Variants in BCLAF3 observed in about 807,000 individuals in gnomAD.
The protein encoded by BCLAF3 is BCLAF1 and THRAP3 family member 3.
In BCLAF3, 24 loss-of-function variants were observed where a neutral mutation model predicts 51.2. The observed-to-expected ratio is 0.47, with a 90% CI of 0.34 to 0.66. The LOEUF is 0.66. BCLAF3 is among the 30% of genes least tolerant of loss of function. The pLI is 0.01. For missense variants in BCLAF3, 465 were observed against 525.1 expected (o/e 0.89, Z 1.12); for synonymous variants, 152 against 176.6 (o/e 0.86, Z 1.10).
intron 1 of BCLAF3, 22 bp from the exon 2 acceptor site, chrX:19,970,320 G>A: frequency 5.0e-6 from 6 of 1,196,094 alleles, no homozygotes; most frequent in Non-Finnish European, 6.8e-6. Context: ...CACAGGATTA[G>A]CAGGTTTGTA....
intron 1 of BCLAF3, among the ~76,000 whole-genome samples, chrX:19,983,700 G>A (rs1301948142): frequency 1.9e-5 from 2 of 107,461 alleles, no homozygotes; most frequent in Non-Finnish European, 3.9e-5. Flanking sequence ...GGGAAAGAGA[G>A]TGAGACACAG....
intron 10 of BCLAF3, among the ~76,000 whole-genome samples, chrX:19,933,911 C>T (rs2070662352): frequency 9.0e-6 from 1 of 111,097 alleles, no homozygotes; most frequent in African/African-American, 3.3e-5. Flanking sequence ...GCTGGGACTA[C>T]AGTACAGGTG....
chrX:19,987,944 A>G (rs747250738), intron 1 of BCLAF3, among the ~76,000 whole-genome samples: 15 of 112,242 alleles, frequency 1.3e-4, no homozygotes, highest in Non-Finnish European at 2.3e-4. Flanking sequence ...TTCTTGGACT[A>G]TAATACTACC....
At chrX:19,953,197 T>C (rs2071550767) in intron 6 of BCLAF3, 146 bp from the exon 7 acceptor site, 1 of 442,724 alleles carries the variant, frequency 2.3e-6, no homozygotes, top group African/African-American at 2.4e-5. Context: ...TTTTCACCTA[T>C]ATGGCAGTCT....
At chrX:19,969,489 G>A (rs768716527) in intron 2 of BCLAF3, among the ~76,000 whole-genome samples, 2 of 111,997 alleles carry the variant, frequency 1.8e-5, no homozygotes, top group African/African-American at 6.5e-5. Flanking sequence ...ATCCTGAAAC[G>A]CCCAGATAAA....
chrX:19,970,359 T>C (rs1037285075), intron 1 of BCLAF3, 61 bp from the exon 2 acceptor site: 12 of 1,021,593 alleles, frequency 1.2e-5, no homozygotes, highest in African/African-American at 5.6e-5. Context: ...ATCTAAAACA[T>C]AGCGAATGCT....
At chrX:19,949,164 CA>C (rs1439667567) in intron 8 of BCLAF3, among the ~76,000 whole-genome samples, 1 of 111,782 alleles carries the variant, frequency 8.9e-6, no homozygotes, top group Non-Finnish European at 1.9e-5. Context: ...ACACTGTCCT[CA>C]AAGCTAGCAT....
At chrX:19,971,591 CTG>C (rs1343999654) in intron 1 of BCLAF3, among the ~76,000 whole-genome samples, 1 of 112,240 alleles carries the variant, frequency 8.9e-6, no homozygotes, top group Non-Finnish European at 1.9e-5. Flanking sequence ...GCTTCGGAAA[CTG>C]AATTTTAAAA....
chrX:19,954,178 G>C, intron 5 of BCLAF3: 1 of 754,126 alleles, frequency 1.3e-6, no homozygotes, highest in Non-Finnish European at 1.6e-6. Context: ...TCAAAGCAAG[G>C]ACCTTTCTTC....
chrX:19,918,545 T>C (rs1389363022), intron 11 of BCLAF3, among the ~76,000 whole-genome samples: 1 of 84,031 alleles, frequency 1.2e-5, no homozygotes, highest in East Asian at 3.6e-4. Flanking sequence ...TTTTTTTTTT[T>C]TTTTTTTTTT....
intron 8 of BCLAF3, among the ~76,000 whole-genome samples, chrX:19,940,277 T>A (rs1370694177): frequency 1.0e-4 from 5 of 50,214 alleles, no homozygotes; most frequent in South Asian, 5.0e-4. Context: ...TATTTATTTA[T>A]TTTTTTTTTT....
intron 1 of BCLAF3, among the ~76,000 whole-genome samples, chrX:19,990,419 A>G (rs763447180): frequency 4.4e-5 from 5 of 113,858 alleles, no homozygotes; most frequent in Non-Finnish European, 9.3e-5. Flanking sequence ...TTAACAGAGG[A>G]AGATGCCGCT....
intron 8 of BCLAF3, among the ~76,000 whole-genome samples, chrX:19,938,205 G>T (rs981203503): frequency 9.0e-6 from 1 of 110,757 alleles, no homozygotes; most frequent in Admixed American, 9.7e-5. Context: ...GTCACATCCT[G>T]CATCTCTCTA....
chrX:19,917,997 G>A (rs1207214117), intron 11 of BCLAF3: 2 of 111,173 alleles, frequency 1.8e-5, no homozygotes, highest in Non-Finnish European at 3.8e-5. Context: ...AAGTAATAAC[G>A]GAGCAAACAT....
At chrX:19,990,408 G>A (rs2072905409) in intron 1 of BCLAF3, among the ~76,000 whole-genome samples, 1 of 113,738 alleles carries the variant, frequency 8.8e-6, no homozygotes, top group African/African-American at 3.2e-5. Context: ...CATTCTCGAC[G>A]TTAACAGAGG....
intron 1 of BCLAF3, among the ~76,000 whole-genome samples, chrX:19,976,802 C>T (rs1042625985): frequency 6.2e-5 from 7 of 112,096 alleles, no homozygotes; most frequent in South Asian, 7.4e-4. Flanking sequence ...TGCCTTACTG[C>T]GCTTCACAGA....
intron 8 of BCLAF3, among the ~76,000 whole-genome samples, chrX:19,939,987 A>C (rs1255137258): frequency 8.9e-6 from 1 of 112,238 alleles, no homozygotes; most frequent in Non-Finnish European, 1.9e-5. Flanking sequence ...AAGATGAAAA[A>C]GTTCTGGAAG....
chrX:19,976,066 A>G (rs1023994036), intron 1 of BCLAF3, among the ~76,000 whole-genome samples: 1 of 111,336 alleles, frequency 9.0e-6, no homozygotes, highest in Non-Finnish European at 1.9e-5. Flanking sequence ...TTATAACTCC[A>G]GCTCACACCC....
chrX:19,989,255 C>T (rs528969580), intron 1 of BCLAF3, among the ~76,000 whole-genome samples: 100 of 111,343 alleles, frequency 9.0e-4, no homozygotes, highest in African/African-American at 3.0e-3. Context: ...CAGCACTTTG[C>T]GAGGCCGAGG....
Sources: gnomAD v4.1 joint callset for allele counts (sites outside exome capture counted in the v4.1 genomes callset) on GRCh38, gnomAD v4.1.1 for gene constraint, MANE v1.5 for transcripts, NCBI Gene and HGNC (gene_info 2026-07-23, HGNC 2026-07-21) for gene names.